The following KATNIP variants were observed in gnomAD, a reference collection of about 807,000 sequenced individuals.
KATNIP encodes katanin-interacting protein.
In KATNIP, 126 loss-of-function variants were observed where a neutral mutation model predicts 174.0. The observed-to-expected ratio is 0.72, with a 90% CI of 0.63 to 0.84. The LOEUF is 0.84. Among genes scored for constraint, KATNIP ranks in the 40% least tolerant of loss-of-function variants. The pLI is 0.00. For synonymous variants in KATNIP, 810 were observed against 835.7 expected, an observed-to-expected ratio of 0.97 and a Z score of 0.53; for missense variants, 1,958 against 2,109.7, an observed-to-expected ratio of 0.93 and a Z score of 1.41.
At chr16:27,619,461 T>C (rs571013337) in intron 3 of KATNIP, among the ~76,000 whole-genome samples, 1 of 152,282 alleles carries the variant, frequency 6.6e-6, no homozygotes, top group African/African-American at 2.4e-5. Flanking sequence ...AATGTGGGCC[T>C]CTGTGTTATC....
chr16:27,704,005 G>A lies in KATNIP; in HGVS notation c.1389+7G>A, dbSNP rs777229604. ...GCAAGTATCAGACACAGAGGTGAGA[G>A]CCTTGACTTGATTTTCAGTTGTACA... On this transcript the variant is annotated splice_region_variant and intron_variant, in intron 12 of 27. Transcript: ENST00000261588. The A allele has an allele frequency of 1.3e-5, 21 of 1,609,398 alleles. No individual in the cohort carries two copies. Among genetic ancestry groups the A allele is most frequent in the Admixed American group, 3.3e-5 (2 of 59,984 alleles).
At chr16:27,639,062 G>C (rs977463614) in intron 5 of KATNIP, among the ~76,000 whole-genome samples, 1 of 151,994 alleles carries the variant, frequency 6.6e-6, no homozygotes, top group Non-Finnish European at 1.5e-5. Flanking sequence ...CTCTTCTTAC[G>C]GTCTCACCCA....
At chr16:27,771,696 G>C in intron 22 of KATNIP, 44 bp downstream of exon 22, 1 of 1,597,988 alleles carries the variant, frequency 6.3e-7, no homozygotes, top group Non-Finnish European at 8.6e-7. Flanking sequence ...TGGGCCCCGA[G>C]GCAGCGCCTG....
chr16:27,583,654 C>G (rs755466091), intron 2 of KATNIP, among the ~76,000 whole-genome samples: 2 of 152,178 alleles, frequency 1.3e-5, no homozygotes, highest in African/African-American at 2.4e-5. Flanking sequence ...CCTCTGTGGT[C>G]CCCCAAGTCT....
intron 24 of KATNIP, 48 bp downstream of exon 24, chr16:27,775,132 A>C: frequency 6.3e-7 from 1 of 1,583,638 alleles, no homozygotes; most frequent in South Asian, 1.1e-5. Context: ...TCAGGCGGGC[A>C]GGGGGACTTT....
intron 2 of KATNIP, among the ~76,000 whole-genome samples, chr16:27,578,557 C>CGGAG (rs1009973168): frequency 1.6e-4 from 24 of 152,026 alleles, no homozygotes; most frequent in African/African-American, 5.8e-4. Flanking sequence ...GTGGCCTGAA[C>CGGAG]GGAGGCATTG....
chr16:27,580,524 A>G (rs2090658008), intron 2 of KATNIP, among the ~76,000 whole-genome samples: 1 of 152,226 alleles, frequency 6.6e-6, no homozygotes, highest in South Asian at 2.1e-4. Context: ...TTCAGGGAAT[A>G]CAATATTCCT....
chr16:27,681,413 A>G lies in KATNIP; in HGVS notation c.823A>G (p.Arg275Gly). ...NPASKSHKRE[R>G]NLSAKRKDNA... ...TTTTCCTACAGGTCATAAAAGGGAAAGGAATTTGTCTGCAAAGCGGAAGGA... is the reference window on the plus strand; with the variant it reads ...TTTTCCTACAGGTCATAAAAGGGAAGGGAATTTGTCTGCAAAGCGGAAGGA... Residue 275 changes from arginine (R) to glycine (G), a missense_variant, in exon 8 of 28, where the codon AGG becomes GGG. Physicochemically the swap from Arg to Gly is moderately radical, Grantham distance 125. Coordinates refer to ENST00000261588, the MANE Select transcript of KATNIP (RefSeq NM_015202.5). 1.9e-6 allele frequency: 3 copies of G among 1,614,216 alleles called. No homozygotes were observed. Among genetic ancestry groups the G allele is most frequent in the South Asian group, 1.1e-5 (1 of 91,084 alleles).
At chr16:27,575,680 T>C (rs1055244671) in intron 2 of KATNIP, among the ~76,000 whole-genome samples, 3 of 152,206 alleles carry the variant, frequency 2.0e-5, no homozygotes, top group Non-Finnish European at 2.9e-5. Context: ...TGAACTGCAC[T>C]CAGCGTCGTG....
intron 14 of KATNIP, among the ~76,000 whole-genome samples, chr16:27,734,689 G>A (rs1240631151): frequency 6.6e-6 from 1 of 152,104 alleles, no homozygotes; most frequent in East Asian, 1.9e-4. Context: ...AGAGAGAGAC[G>A]TCTCAAAAAA....
chr16:27,644,019 CTTTT>C (rs34902124), intron 5 of KATNIP, among the ~76,000 whole-genome samples: 4 of 102,500 alleles, frequency 3.9e-5, no homozygotes, highest in Admixed American at 1.1e-4. Context: ...GAGACATAAT[CTTTT>C]TTTTTTTTTT....
chr16:27,753,016 A>G (rs1201683572), intron 17 of KATNIP, among the ~76,000 whole-genome samples: 1 of 152,170 alleles, frequency 6.6e-6, no homozygotes, highest in African/African-American at 2.4e-5. Context: ...CTGAGGCAGG[A>G]CAGCAACATG....
chr16:27,734,011 C>G (rs1391530349), intron 14 of KATNIP, among the ~76,000 whole-genome samples: 4 of 152,056 alleles, frequency 2.6e-5, no homozygotes, highest in Non-Finnish European at 4.4e-5. Flanking sequence ...ACCCACCACC[C>G]AGTGGAGGTG....
intron 16 of KATNIP, 68 bp from the exon 17 acceptor site, chr16:27,751,651 G>T (rs2081520623): frequency 2.7e-6 from 4 of 1,478,488 alleles, no homozygotes; most frequent in South Asian, 2.3e-5. Context: ...ATGGGTTTAG[G>T]CTCTTGATCT....
In KATNIP at chr16:27,723,805, T is replaced by TCCTC. The variant is rs534240320; in HGVS notation, c.1743+2124_1743+2127dup. 5.5e-3 allele frequency among the ~76,000 whole-genome samples: 838 copies of TCCTC among 151,342 alleles called. 7 individuals carry two copies. The highest frequency in any genetic ancestry group is 0.019 in the African/African-American group (795 of 41,350). ...GAGAGGCAGTCCTCCCTTCCTCCCT[T>TCCTC]CCTCCCTCCCTCCCTCCTTCCCATC... On this transcript the variant is annotated intron_variant, in intron 14 of 27. Coordinates refer to ENST00000261588, the MANE Select transcript of KATNIP (RefSeq NM_015202.5).
chr16:27,588,295 A>G (rs1040948885), intron 2 of KATNIP, among the ~76,000 whole-genome samples: 4 of 152,066 alleles, frequency 2.6e-5, no homozygotes, highest in African/African-American at 2.4e-5. Context: ...GTATTTATTG[A>G]GGTATAACTT....
rs573317418 is a variant in KATNIP, at chr16:27,571,602, G to A, written c.8-2299G>A. Among the ~76,000 whole-genome samples, 68 of 152,336 alleles carry A rather than the reference G, an allele frequency of 4.5e-4. 1 individual carries two copies. The highest frequency in any genetic ancestry group is 6.8e-3 in the Middle Eastern group (2 of 294). ...GCTGGGATCTGCCGTGCTCACCCTGGAGGAGCTCTGCTCCCTCCTGCTGCC... is the reference window on the plus strand; with the variant it reads ...GCTGGGATCTGCCGTGCTCACCCTGAAGGAGCTCTGCTCCCTCCTGCTGCC... On this transcript the variant is annotated intron_variant, in intron 1 of 27. Transcript: ENST00000261588.
chr16:27,745,231 G>A (rs2081247133), intron 15 of KATNIP, among the ~76,000 whole-genome samples: 1 of 152,252 alleles, frequency 6.6e-6, no homozygotes, highest in Admixed American at 6.5e-5. Flanking sequence ...CAAAGGTAGA[G>A]AGTGTAGCCA....
chr16:27,721,567 G>C lies in KATNIP; in HGVS notation c.1615G>C (p.Asp539His). 1 of 1,614,106 alleles carries C rather than the reference G, an allele frequency of 6.2e-7. No individual in the cohort carries two copies. The highest frequency in any genetic ancestry group is 8.5e-7 in the Non-Finnish European group (1 of 1,179,996). ...LVNRNLAGKK[D>H]SSPWTCPFHP... ...CTTGCTGGCCTTCTAGGGCAAGAAAGACTCCTCCCCGTGGACCTGCCCCTT... is the reference window on the plus strand; with the variant it reads ...CTTGCTGGCCTTCTAGGGCAAGAAACACTCCTCCCCGTGGACCTGCCCCTT... The change falls in exon 14 of 28, where the codon GAC becomes CAC. Residue 539 changes from aspartate (D) to histidine (H), a missense_variant. Asp to His is a moderately conservative substitution (Grantham distance 81, BLOSUM62 -1). Around this residue, in one of 3 missense-constraint regions of KATNIP, gnomAD observed 1,557 missense variants for 1,617.8 expected, o/e 0.96. Coordinates refer to ENST00000261588, the MANE Select transcript of KATNIP (RefSeq NM_015202.5).
Sources: gnomAD v4.1 joint callset for allele counts (sites outside exome capture counted in the v4.1 genomes callset) on GRCh38, gnomAD v4.1.1 for gene constraint, gnomAD v4.1.1 regional missense constraint, MANE v1.5 for transcripts, NCBI Gene and HGNC (gene_info 2026-07-23, HGNC 2026-07-21) for gene names.